Variants in CNTN4 observed in about 807,000 individuals in gnomAD.
CNTN4 encodes the protein contactin-4.
A neutral mutation model predicts 122.5 loss-of-function variants in CNTN4; 77 were observed. The observed-to-expected ratio is 0.63, with a 90% CI of 0.52 to 0.76. The LOEUF is 0.76. CNTN4 is among the 30% of genes least tolerant of loss of function. The probability of loss-of-function intolerance (pLI) is 0.00; values close to 1 mark genes in which losing one functional copy is unlikely to be tolerated. For synonymous variants in CNTN4, 512 were observed against 447.0 expected (o/e 1.15, Z -1.83); for missense variants, 1,256 against 1,259.1 (o/e 1.00, Z 0.04).
chr3:3,008,711 C>T (rs540580790), intron 14 of CNTN4, among the ~76,000 whole-genome samples: 1 of 152,170 alleles, frequency 6.6e-6, no homozygotes, highest in Non-Finnish European at 1.5e-5. Context: ...TAGGTCATTT[C>T]CCTTCTCAAA....
intron 7 of CNTN4, among the ~76,000 whole-genome samples, chr3:2,851,677 T>C (rs931897831): frequency 6.6e-6 from 1 of 152,158 alleles, no homozygotes; most frequent in African/African-American, 2.4e-5. Context: ...CTTCTTTACA[T>C]GTGAGAAAAC....
intron 7 of CNTN4, 64 bp downstream of exon 7, chr3:2,819,645 T>TC: frequency 8.2e-7 from 1 of 1,223,624 alleles, no homozygotes; most frequent in Non-Finnish European, 1.2e-6. Context: ...CTCAATGTTC[T>TC]CCCTCCTGAC....
At chr3:2,566,075 C>G (rs1366881439) in intron 3 of CNTN4, among the ~76,000 whole-genome samples, 1 of 152,202 alleles carries the variant, frequency 6.6e-6, no homozygotes, top group Non-Finnish European at 1.5e-5. Flanking sequence ...GAAACCTGTG[C>G]TATCCTTTAC....
intron 6 of CNTN4, among the ~76,000 whole-genome samples, chr3:2,806,453 A>C (rs1402276739): frequency 6.6e-6 from 1 of 152,182 alleles, no homozygotes; most frequent in African/African-American, 2.4e-5. Flanking sequence ...AGGTCTTCCT[A>C]ACTGAAATCC....
At chr3:2,635,930 A>G (rs1214481934) in intron 4 of CNTN4, among the ~76,000 whole-genome samples, 1 of 152,118 alleles carries the variant, frequency 6.6e-6, no homozygotes, top group Non-Finnish European at 1.5e-5. Flanking sequence ...ATTATTGCCT[A>G]ACCGAGCACC....
rs116668570 is a variant in CNTN4 at position 2,542,997 on chromosome 3, C to T, written c.-88-28419C>T. Among the ~76,000 whole-genome samples the T allele has an allele frequency of 3.0e-3, 451 of 152,190 alleles. 3 individuals carry two copies. The highest frequency in any genetic ancestry group is 0.01 in the African/African-American group (416 of 41,540). ...ATAGAATAGAAGTGGAAATCATCAG[C>T]ATTAACACAGATTAATTTTATGAAA... On this transcript the variant is annotated intron_variant, in intron 3 of 24. Transcript: ENST00000418658.
chr3:2,774,550 C>T (rs1372671867), intron 6 of CNTN4, among the ~76,000 whole-genome samples: 1 of 152,150 alleles, frequency 6.6e-6, no homozygotes, highest in Non-Finnish European at 1.5e-5. Flanking sequence ...ACTCCATTAG[C>T]TCCTGTGAAC....
At chr3:2,111,468 C>T (rs984826892) in intron 2 of CNTN4, among the ~76,000 whole-genome samples, 1 of 151,984 alleles carries the variant, frequency 6.6e-6, no homozygotes, top group African/African-American at 2.4e-5. Context: ...AGAAAAGAAA[C>T]ATAATATAAT....
intron 7 of CNTN4, among the ~76,000 whole-genome samples, chr3:2,845,653 C>T (rs1433924832): frequency 6.6e-6 from 1 of 152,130 alleles, no homozygotes; most frequent in East Asian, 1.9e-4. Flanking sequence ...AGTTTCATTA[C>T]AGACATGTTG....
At chr3:3,019,608 G>A (rs1574839824) in intron 14 of CNTN4, among the ~76,000 whole-genome samples, 2 of 151,800 alleles carry the variant, frequency 1.3e-5, no homozygotes, top group Middle Eastern at 3.4e-3. Context: ...ATACTCATAA[G>A]TTACAAGGGT....
chr3:2,833,090 G>C (rs1163375562), intron 7 of CNTN4, among the ~76,000 whole-genome samples: 1 of 152,152 alleles, frequency 6.6e-6, no homozygotes, highest in African/African-American at 2.4e-5. Flanking sequence ...AAACAAAATA[G>C]AATGAAAATG....
At chr3:2,790,312 G>A (rs757899682) in intron 6 of CNTN4, among the ~76,000 whole-genome samples, 1 of 152,202 alleles carries the variant, frequency 6.6e-6, no homozygotes, top group Non-Finnish European at 1.5e-5. Context: ...GAGAGAGAAA[G>A]GCATTGAGCC....
intron 14 of CNTN4, 21 bp from the exon 15 acceptor site, chr3:3,026,081 T>A: frequency 6.2e-7 from 1 of 1,608,646 alleles, no homozygotes; most frequent in Non-Finnish European, 8.5e-7. Context: ...TGTTATTGTT[T>A]GTTTTGTTTT....
chr3:2,191,876 C>A (rs1232969427), intron 2 of CNTN4, among the ~76,000 whole-genome samples: 1 of 151,914 alleles, frequency 6.6e-6, no homozygotes, highest in African/African-American at 2.4e-5. Context: ...CTATGCCTCC[C>A]CCCTCCCCCC....
At chr3:2,127,426 C>A (rs943515472) in intron 2 of CNTN4, among the ~76,000 whole-genome samples, 5 of 151,996 alleles carry the variant, frequency 3.3e-5, no homozygotes, top group Non-Finnish European at 7.4e-5. Context: ...ATAACATGCT[C>A]CTGATATAAT....
At chr3:2,610,649 C>G (rs2081442186) in intron 4 of CNTN4, among the ~76,000 whole-genome samples, 1 of 152,086 alleles carries the variant, frequency 6.6e-6, no homozygotes, top group Non-Finnish European at 1.5e-5. Context: ...ACAGTAAATT[C>G]TAGGTAGAGA....
At chr3:2,566,534 A>G (rs1440594794) in intron 3 of CNTN4, among the ~76,000 whole-genome samples, 2 of 152,216 alleles carry the variant, frequency 1.3e-5, no homozygotes, top group East Asian at 1.9e-4. Flanking sequence ...TCACTATTCT[A>G]TGTGCCTCTA....
intron 4 of CNTN4, among the ~76,000 whole-genome samples, chr3:2,707,609 A>G (rs986588318): frequency 2.0e-5 from 3 of 151,398 alleles, no homozygotes; most frequent in Admixed American, 6.6e-5. Flanking sequence ...TTTTAACTTA[A>G]TTAAATATTG....
At chr3:2,665,675 C>T (rs1344629984) in intron 4 of CNTN4, among the ~76,000 whole-genome samples, 2 of 152,142 alleles carry the variant, frequency 1.3e-5, no homozygotes, top group African/African-American at 4.8e-5. Context: ...GGGGACCACT[C>T]TTGGCCCTCT....
Sources: gnomAD v4.1 joint callset for allele counts (sites outside exome capture counted in the v4.1 genomes callset) on GRCh38, gnomAD v4.1.1 for gene constraint, MANE v1.5 for transcripts, NCBI Gene and HGNC (gene_info 2026-07-23, HGNC 2026-07-21) for gene names.